The following SESTD1 variants were observed in gnomAD, a reference collection of about 807,000 sequenced individuals.
SESTD1 encodes the protein SEC14 domain and spectrin repeat-containing protein 1.
SESTD1 carries 43 observed loss-of-function variants against 101.7 expected under a neutral mutation model. The ratio of observed to expected loss-of-function variants is 0.42; its 90% CI spans 0.33 to 0.55. The LOEUF (loss-of-function observed/expected upper bound fraction) is 0.55. Among genes scored for constraint, SESTD1 ranks in the 20% least tolerant of loss-of-function variants. The probability of loss-of-function intolerance (pLI) is 0.07; values close to 1 mark genes in which losing one functional copy is unlikely to be tolerated. For missense variants in SESTD1, 647 were observed against 815.1 expected, an observed-to-expected ratio of 0.79 and a Z score of 2.51; for synonymous variants, 283 against 286.8, an observed-to-expected ratio of 0.99 and a Z score of 0.13.
chr2:179,148,035 G>A (rs924163741), intron 7 of SESTD1, among the ~76,000 whole-genome samples: 2 of 152,156 alleles, frequency 1.3e-5, no homozygotes, highest in Non-Finnish European at 2.9e-5. Flanking sequence ...TACGGCATCT[G>A]TAGGATGGAA....
In SESTD1 at chr2:179,151,409, G is replaced by A. The variant is rs754521624; in HGVS notation, c.370-18C>T. 1.9e-6 allele frequency: 3 copies of A among 1,555,458 alleles called. No individual in the cohort carries two copies. The highest frequency in any genetic ancestry group is 2.4e-5 in the South Asian group (2 of 81,892). On this transcript the variant is annotated intron_variant, in intron 5 of 17. Coordinates refer to ENST00000428443, the MANE Select transcript of SESTD1 (RefSeq NM_178123.5). ...AAAATAACCTATAAAAAGGTTAAAA[G>A]AAAAGAAACATTTAGTAACCCACTA...
At chr2:179,147,357 GT>G (rs1293179777) in intron 7 of SESTD1, among the ~76,000 whole-genome samples, 2 of 142,276 alleles carry the variant, frequency 1.4e-5, no homozygotes, top group Non-Finnish European at 3.0e-5. Flanking sequence ...AGATATGTTT[GT>G]TTTTTTGTTT....
At chr2:179,183,450 C>G (rs2046153512) in intron 2 of SESTD1, among the ~76,000 whole-genome samples, 1 of 152,090 alleles carries the variant, frequency 6.6e-6, no homozygotes, top group African/African-American at 2.4e-5. Flanking sequence ...CTTCCATTTA[C>G]TGTCCTTAAT....
chr2:179,180,333 G>A (rs951356699), intron 3 of SESTD1, among the ~76,000 whole-genome samples: 3 of 152,096 alleles, frequency 2.0e-5, no homozygotes, highest in Non-Finnish European at 4.4e-5. Context: ...GTCATTGCAT[G>A]AAAAAAACAA....
chr2:179,162,822 TAAAAA>T (rs33960106), intron 5 of SESTD1, among the ~76,000 whole-genome samples: 1 of 137,008 alleles, frequency 7.3e-6, no homozygotes, highest in Admixed American at 7.3e-5. Flanking sequence ...TCGTCTCTAG[TAAAAA>T]AAAAAAAAAA....
intron 1 of SESTD1, among the ~76,000 whole-genome samples, chr2:179,255,872 A>T (rs1392556730): frequency 6.6e-6 from 1 of 152,220 alleles, no homozygotes; most frequent in Non-Finnish European, 1.5e-5. Context: ...CTTAAGTGAA[A>T]GCCGATGCTC....
intron 1 of SESTD1, among the ~76,000 whole-genome samples, chr2:179,236,063 C>A (rs2105542582): frequency 6.6e-6 from 1 of 152,226 alleles, no homozygotes; most frequent in African/African-American, 2.4e-5. Context: ...CATTTACCTT[C>A]CACTCTATTA....
chr2:179,218,991 C>A (rs1325561027), intron 1 of SESTD1, among the ~76,000 whole-genome samples: 1 of 152,194 alleles, frequency 6.6e-6, no homozygotes, highest in African/African-American at 2.4e-5. Context: ...AACATTGTCA[C>A]AACTACCTGA....
At chr2:179,175,843 G>A (rs2046002240) in intron 4 of SESTD1, among the ~76,000 whole-genome samples, 1 of 152,158 alleles carries the variant, frequency 6.6e-6, no homozygotes, top group Non-Finnish European at 1.5e-5. Context: ...TAAAACACAA[G>A]ACTGGCATCA....
chr2:179,118,202 T>A (rs1304007862), intron 13 of SESTD1, among the ~76,000 whole-genome samples: 1 of 152,070 alleles, frequency 6.6e-6, no homozygotes, highest in Admixed American at 6.5e-5. Context: ...TTAATTCTGA[T>A]TTTTTTTAAA....
chr2:179,238,211 T>C (rs1358830303), intron 1 of SESTD1, among the ~76,000 whole-genome samples: 2 of 151,986 alleles, frequency 1.3e-5, no homozygotes, highest in Non-Finnish European at 2.9e-5. Context: ...GTTGAGAAAG[T>C]GGAGGAAGAG....
chr2:179,193,082 GA>G (rs1314358622), intron 1 of SESTD1, among the ~76,000 whole-genome samples: 2 of 151,788 alleles, frequency 1.3e-5, no homozygotes, highest in African/African-American at 4.8e-5. Flanking sequence ...AAAAACTCCA[GA>G]AACAGCCCTG....
chr2:179,225,124 TTAGAA>T (rs920534053), intron 1 of SESTD1, among the ~76,000 whole-genome samples: 3 of 152,134 alleles, frequency 2.0e-5, no homozygotes, highest in African/African-American at 7.2e-5. Context: ...GTAGGCAGTG[TTAGAA>T]CTGAGTTAAA....
chr2:179,142,700 T>C (rs1012729433), intron 9 of SESTD1, among the ~76,000 whole-genome samples: 3 of 152,188 alleles, frequency 2.0e-5, no homozygotes, highest in African/African-American at 7.2e-5. Context: ...ATCAGATACA[T>C]TCTGGGAGGA....
chr2:179,117,100 T>G (rs757804887), intron 14 of SESTD1, among the ~76,000 whole-genome samples: 1 of 152,224 alleles, frequency 6.6e-6, no homozygotes, highest in South Asian at 2.1e-4. Context: ...TTTGTGTTAC[T>G]ACATAAAATC....
chr2:179,166,932 C>A (rs2045845072), intron 5 of SESTD1, among the ~76,000 whole-genome samples: 1 of 152,194 alleles, frequency 6.6e-6, no homozygotes, highest in South Asian at 2.1e-4. Flanking sequence ...GCAAGATGAG[C>A]CCATGTGCAG....
chr2:179,185,139 T>G (rs1400140705), intron 2 of SESTD1, among the ~76,000 whole-genome samples: 2 of 151,890 alleles, frequency 1.3e-5, no homozygotes, highest in African/African-American at 4.8e-5. Flanking sequence ...GAGGGCAATC[T>G]GACAAAACCT....
intron 6 of SESTD1, 69 bp downstream of exon 6, chr2:179,151,209 A>G: frequency 9.2e-7 from 1 of 1,092,476 alleles, no homozygotes; most frequent in Non-Finnish European, 1.3e-6. Context: ...AATAGACTAA[A>G]ATGATAAAGT....
intron 2 of SESTD1, among the ~76,000 whole-genome samples, chr2:179,191,419 A>G (rs949741982): frequency 1.3e-5 from 2 of 152,080 alleles, no homozygotes; most frequent in Admixed American, 1.3e-4. Context: ...CAGACACTGG[A>G]GACTACTGCA....
Sources: gnomAD v4.1 joint callset for allele counts (sites outside exome capture counted in the v4.1 genomes callset) on GRCh38, gnomAD v4.1.1 for gene constraint, MANE v1.5 for transcripts, NCBI Gene and HGNC (gene_info 2026-07-23, HGNC 2026-07-21) for gene names.